The following EIF4B variants were observed in gnomAD, a reference collection of about 807,000 sequenced individuals.
EIF4B encodes eukaryotic translation initiation factor 4B.
Under a neutral mutation model 79.3 loss-of-function variants are expected in EIF4B, and 8 were observed. That is an observed-to-expected ratio of 0.10 (90% confidence interval 0.06 to 0.18). The LOEUF (loss-of-function observed/expected upper bound fraction) is 0.18. Ranked by LOEUF, EIF4B falls within the 10% of genes least tolerant of loss-of-function variation. The pLI is 1.00. For missense variants in EIF4B, 515 were observed against 792.4 expected, an observed-to-expected ratio of 0.65 and a Z score of 4.20; for synonymous variants, 238 against 274.7, an observed-to-expected ratio of 0.87 and a Z score of 1.32.
intron 3 of EIF4B, among the ~76,000 whole-genome samples, chr12:53,019,436 TA>T (rs58746313): frequency 0.13 from 2,614 of 19,646 alleles, 89 homozygotes; most frequent in African/African-American, 0.18. Context: ...TATATATATA[TA>T]TTTTTTTTTT....
intron 1 of EIF4B, chr12:53,013,976 T>G (rs1250428268): frequency 2.0e-5 from 3 of 151,592 alleles, no homozygotes; most frequent in Non-Finnish European, 4.4e-5. Flanking sequence ...ATCTGGGCAG[T>G]GTAGCAAGAC....
intron 3 of EIF4B, among the ~76,000 whole-genome samples, chr12:53,019,442 T>TCTTTTTTC: frequency 9.9e-6 from 1 of 100,642 alleles, no homozygotes; most frequent in Non-Finnish European, 1.9e-5. Flanking sequence ...TATATATTTT[T>TCTTTTTTC]TTTTTTTCTT....
chr12:53,040,056 A>G, intron 14 of EIF4B, 87 bp from the exon 15 acceptor site: 1 of 1,464,276 alleles, frequency 6.8e-7, no homozygotes, highest in Admixed American at 1.7e-5. Context: ...GTCATCCCCC[A>G]TTGCCAAAGG....
intron 6 of EIF4B, among the ~76,000 whole-genome samples, chr12:53,027,096 C>T (rs959898692): frequency 7.3e-6 from 1 of 137,690 alleles, no homozygotes; most frequent in Non-Finnish European, 1.5e-5. Flanking sequence ...CCAAGACCAG[C>T]CTGGGCAGCA....
chr12:53,019,646 A>G (rs1286116312), intron 3 of EIF4B, among the ~76,000 whole-genome samples: 3 of 146,806 alleles, frequency 2.0e-5, no homozygotes, highest in Admixed American at 6.9e-5. Flanking sequence ...GACTACAGGC[A>G]TGAGCCACTG....
chr12:53,008,701 C>T (rs896948319), intron 1 of EIF4B: 14 of 152,196 alleles, frequency 9.2e-5, no homozygotes, highest in African/African-American at 3.4e-4. Context: ...AAACTTGATA[C>T]ATTGAGCCAG....
At chr12:53,027,140 T>A (rs1388555834) in intron 6 of EIF4B, among the ~76,000 whole-genome samples, 3 of 109,640 alleles carry the variant, frequency 2.7e-5, no homozygotes, top group African/African-American at 8.9e-5. Context: ...AAAAAAAATT[T>A]TTTTTTTTTT....
At chr12:53,020,999 CTT>C (rs1943239518) in intron 4 of EIF4B, among the ~76,000 whole-genome samples, 1 of 152,000 alleles carries the variant, frequency 6.6e-6, no homozygotes, top group Non-Finnish European at 1.5e-5. Flanking sequence ...TTAAGAGTTA[CTT>C]TGTTACTAGA....
At chr12:53,023,370 CT>C (rs565857918) in intron 6 of EIF4B, among the ~76,000 whole-genome samples, 194 of 149,072 alleles carry the variant, frequency 1.3e-3, no homozygotes, top group African/African-American at 4.7e-3. Context: ...GTAGCTGGGA[CT>C]ACAGGCGCGC....
chr12:53,030,410 A>ATTTTTTTTTTTTTTTTTTTTTTTTTTTT (rs1555153412), intron 8 of EIF4B, among the ~76,000 whole-genome samples: 10 of 34,188 alleles, frequency 2.9e-4, no homozygotes, highest in Non-Finnish European at 5.6e-4. Flanking sequence ...AAAAAATTAT[A>ATTTTTTTTTTTTTTTTTTTTTTTTTTTT]TTCTTTTTTT....
chr12:53,032,689 T>C (rs552418511), intron 8 of EIF4B, among the ~76,000 whole-genome samples: 44 of 145,768 alleles, frequency 3.0e-4, no homozygotes, highest in Non-Finnish European at 5.7e-4. Flanking sequence ...TTTTTTGAGA[T>C]GGAGTTTGGC....
intron 11 of EIF4B, 78 bp downstream of exon 11, chr12:53,037,700 G>A (rs997129329): frequency 1.5e-5 from 23 of 1,501,182 alleles, no homozygotes; most frequent in Middle Eastern, 1.7e-4. Flanking sequence ...GATCTCCTAC[G>A]GGATGCCAGC....
intron 3 of EIF4B, 78 bp downstream of exon 3, chr12:53,019,084 G>A: frequency 6.7e-7 from 1 of 1,500,958 alleles, no homozygotes; most frequent in Non-Finnish European, 9.1e-7. Flanking sequence ...ATGGGCAGTT[G>A]CTGTTGAAAA....
intron 1 of EIF4B, among the ~76,000 whole-genome samples, chr12:53,008,964 G>A (rs986920552): frequency 3.9e-5 from 6 of 152,184 alleles, no homozygotes; most frequent in African/African-American, 9.7e-5. Flanking sequence ...CAATCTGGGA[G>A]GGGGAGATTG....
chr12:53,037,193 G>A (rs1943553639), intron 10 of EIF4B, among the ~76,000 whole-genome samples: 1 of 152,212 alleles, frequency 6.6e-6, no homozygotes, highest in African/African-American at 2.4e-5. Context: ...ATGGCTGGGT[G>A]TCCCTTAAGT....
rs1351958427 is a variant in EIF4B, at chr12:53,019,024, A to G, written c.360+18A>G. On this transcript the variant is annotated intron_variant, in intron 3 of 14. Transcript: ENST00000262056. ...GATTAAATGTAAGTGTAAAAGTTGT[A>G]ATAATTAACTAGATATTGAGGATAA... 6.2e-7 allele frequency: 1 copy of G among 1,610,916 alleles called. No individual in the cohort carries two copies. The highest frequency in any genetic ancestry group is 1.1e-5 in the South Asian group (1 of 90,852).
At chr12:53,020,850 T>TA (rs1245203424) in intron 4 of EIF4B, among the ~76,000 whole-genome samples, 2 of 152,210 alleles carry the variant, frequency 1.3e-5, no homozygotes, top group African/African-American at 4.8e-5. Flanking sequence ...GAGTTACTCT[T>TA]ACTGGATTAT....
rs530978165 is a variant in EIF4B at position 53,033,447 on chromosome 12, A to G, written c.980-359A>G. 1.3e-3 allele frequency among the ~76,000 whole-genome samples: 191 copies of G among 151,806 alleles called. 1 individual carries two copies. Among genetic ancestry groups the G allele is most frequent in the Non-Finnish European group, 2.0e-3 (138 of 67,978 alleles). On this transcript the variant is annotated intron_variant, in intron 8 of 14. Transcript: ENST00000262056. ...AACCTCTGCCTCCCAGGTTCAAGCAATTCTCTTGCCTCAGCCTCCTGAGTA... is the reference window on the plus strand; with the variant it reads ...AACCTCTGCCTCCCAGGTTCAAGCAGTTCTCTTGCCTCAGCCTCCTGAGTA...
intron 4 of EIF4B, among the ~76,000 whole-genome samples, chr12:53,020,950 TTAC>T (rs1156325101): frequency 2.0e-5 from 3 of 152,216 alleles, no homozygotes; most frequent in Non-Finnish European, 4.4e-5. Flanking sequence ...TATTTGATGT[TTAC>T]TAGATTAACT....
Sources: allele counts gnomAD v4.1 joint callset (sites outside exome capture counted in the v4.1 genomes callset), GRCh38; gene constraint gnomAD v4.1.1; transcripts MANE v1.5; gene names NCBI Gene and HGNC (gene_info 2026-07-23, HGNC 2026-07-21).